WDR37: variants seen among roughly 807,000 people sequenced by gnomAD.
WDR37 encodes WD repeat domain 37.
Under a neutral mutation model 62.9 loss-of-function variants are expected in WDR37, and 19 were observed. The observed-to-expected ratio is 0.30, with a 90% CI of 0.21 to 0.44. The LOEUF (loss-of-function observed/expected upper bound fraction) is 0.44, where lower values mean the gene tolerates loss of function less well. WDR37 is among the 20% of genes least tolerant of loss of function. The pLI is 1.00. For synonymous variants in WDR37, 250 were observed against 260.9 expected, an observed-to-expected ratio of 0.96 and a Z score of 0.40; for missense variants, 474 against 657.6, an observed-to-expected ratio of 0.72 and a Z score of 3.05.
intron 11 of WDR37, among the ~76,000 whole-genome samples, chr10:1,107,108 C>G (rs1835047587): frequency 6.6e-6 from 1 of 152,250 alleles, no homozygotes; most frequent in Non-Finnish European, 1.5e-5. Flanking sequence ...GAGCTGGGCC[C>G]CCATGAGCTC....
intron 2 of WDR37, among the ~76,000 whole-genome samples, chr10:1,075,249 C>G (rs1002479580): frequency 6.7e-6 from 1 of 150,296 alleles, no homozygotes; most frequent in Non-Finnish European, 1.5e-5. Context: ...GCTGACTTCT[C>G]AGCTTTCTTT....
chr10:1,079,968 A>T (rs1833981439), intron 3 of WDR37, 43 bp from the exon 4 acceptor site: 1 of 1,583,474 alleles, frequency 6.3e-7, no homozygotes, highest in East Asian at 2.3e-5. Flanking sequence ...ACACTTAAAC[A>T]TAAAAACATA....
At chr10:1,091,603 G>A (rs940654338) in intron 7 of WDR37, among the ~76,000 whole-genome samples, 1 of 152,206 alleles carries the variant, frequency 6.6e-6, no homozygotes, top group South Asian at 2.1e-4. Context: ...GGAAATAAGG[G>A]TTGGTGTCCC....
intron 13 of WDR37, among the ~76,000 whole-genome samples, chr10:1,127,684 C>T (rs1161492280): frequency 2.0e-5 from 3 of 152,080 alleles, no homozygotes; most frequent in Non-Finnish European, 4.4e-5. Flanking sequence ...GCTCATTGGG[C>T]GTGAGGGTCC....
chr10:1,129,682 G>A lies in WDR37; in HGVS notation c.*338G>A, dbSNP rs1331711077. The A allele has an allele frequency of 1.6e-5, 3 of 187,462 alleles. No individual in the cohort carries two copies. The highest frequency in any genetic ancestry group is 2.3e-5 in the African/African-American group (1 of 42,560). The allele number at this position is 187,462 out of a possible 1,614,324, so 11.6% of individuals were successfully genotyped here. ...TTGTGTGAATTAAATGTGAACTTCT[G>A]TATTACGTTGCGGCGTCGGCAGTCC... On this transcript the variant is annotated 3_prime_UTR_variant, in exon 14 of 14. Coordinates refer to ENST00000263150, the MANE Select transcript of WDR37 (RefSeq NM_014023.4).
intron 8 of WDR37, 97 bp from the exon 9 acceptor site, chr10:1,096,073 A>G (rs1438570379): frequency 2.6e-6 from 3 of 1,171,134 alleles, no homozygotes; most frequent in Non-Finnish European, 3.8e-6. Flanking sequence ...ACTAAGCTGG[A>G]AAGGTCTGAC....
At chr10:1,115,275 A>T (rs975911582) in intron 11 of WDR37, among the ~76,000 whole-genome samples, 4 of 152,246 alleles carry the variant, frequency 2.6e-5, no homozygotes, top group African/African-American at 7.2e-5. Context: ...AAACGATTTT[A>T]ACTTTATTCC....
intron 13 of WDR37, among the ~76,000 whole-genome samples, chr10:1,126,369 G>A (rs905871889): frequency 7.8e-4 from 116 of 148,772 alleles, no homozygotes; most frequent in African/African-American, 2.2e-3. Flanking sequence ...TCGCGCCACT[G>A]CACTCCAGCC....
intron 9 of WDR37, among the ~76,000 whole-genome samples, chr10:1,099,136 C>T (rs1834703694): frequency 6.6e-6 from 1 of 152,220 alleles, no homozygotes; most frequent in African/African-American, 2.4e-5. Flanking sequence ...AAATTCTTCA[C>T]TTACTGTTTG....
At chr10:1,088,452 A>C (rs1019980403) in intron 7 of WDR37, among the ~76,000 whole-genome samples, 5 of 152,152 alleles carry the variant, frequency 3.3e-5, no homozygotes, top group African/African-American at 1.2e-4. Flanking sequence ...GAATTGGCCT[A>C]ATTTTAGTAT....
In WDR37 at chr10:1,102,138, T is replaced by C. The variant is rs181523705; in HGVS notation, c.727-1464T>C. On this transcript the variant is annotated intron_variant, in intron 9 of 13. Transcript: ENST00000263150. ...CGTGCTGCTGTGCGTCCCTGTGACG[T>C]GGGAACCCTTGCTGTTGTGCGTCCC... Among the ~76,000 whole-genome samples the C allele has an allele frequency of 1.3e-4, 19 of 150,978 alleles. No individual in the cohort carries two copies. In the East Asian group the frequency reaches 2.8e-3, roughly 22 times the overall value.
At chr10:1,069,669 A>C (rs1033660763) in intron 1 of WDR37, among the ~76,000 whole-genome samples, 1 of 151,910 alleles carries the variant, frequency 6.6e-6, no homozygotes, top group Admixed American at 6.6e-5. Context: ...TGGGGTAACT[A>C]ATGGGTAGTG....
chr10:1,061,038 C>T (rs576233499), intron 1 of WDR37, among the ~76,000 whole-genome samples: 1 of 152,240 alleles, frequency 6.6e-6, no homozygotes, highest in African/African-American at 2.4e-5. Flanking sequence ...AGAACCTGTC[C>T]CCATCCTTAA....
Position 1,129,694 on chromosome 10 carries a change from G to T in WDR37, c.*350G>T. ...AATGTGAACTTCTGTATTACGTTGCGGCGTCGGCAGTCCTGCGTTCCCTGG... is the reference window on the plus strand; with the variant it reads ...AATGTGAACTTCTGTATTACGTTGCTGCGTCGGCAGTCCTGCGTTCCCTGG... On this transcript the variant is annotated 3_prime_UTR_variant, in exon 14 of 14. Coordinates refer to ENST00000263150, the MANE Select transcript of WDR37 (RefSeq NM_014023.4). 2 of 176,532 alleles carry T rather than the reference G, an allele frequency of 1.1e-5. No homozygotes were observed. The highest frequency in any genetic ancestry group is 1.2e-4 in the South Asian group (1 of 8,106). 10.9% of individuals were successfully genotyped at this position (176,532 alleles called of 1,614,324 possible).
In WDR37 at chr10:1,105,854, C is replaced by T. The variant is rs1276043863; in HGVS notation, c.1103+587C>T. ...AGGCTGGAGTGCAGTGGCGCTATCT[C>T]GGCTCACTGCAAGCTCCGCCTCCCG... On this transcript the variant is annotated intron_variant, in intron 11 of 13. Coordinates refer to ENST00000263150, the MANE Select transcript of WDR37 (RefSeq NM_014023.4). This position sits in a 1 kb window ranked among gnomAD's most constrained non-coding sequence, Gnocchi z 5.3. 1.3e-5 allele frequency among the ~76,000 whole-genome samples: 2 copies of T among 152,000 alleles called. No individual in the cohort carries two copies. The highest frequency in any genetic ancestry group is 4.8e-5 in the African/African-American group (2 of 41,374).
At chr10:1,081,378 A>C (rs1214891815) in intron 5 of WDR37, among the ~76,000 whole-genome samples, 1 of 152,202 alleles carries the variant, frequency 6.6e-6, no homozygotes, top group African/African-American at 2.4e-5. Context: ...ATAAATTGAA[A>C]TTTTCAGTGA....
chr10:1,113,285 C>T (rs1415676475), intron 11 of WDR37, among the ~76,000 whole-genome samples: 4 of 152,190 alleles, frequency 2.6e-5, no homozygotes, highest in African/African-American at 9.7e-5. Context: ...ATTGTTGAGG[C>T]TACTGCTCAG....
chr10:1,110,507 T>C (rs949118927), intron 11 of WDR37, among the ~76,000 whole-genome samples: 1 of 151,922 alleles, frequency 6.6e-6, no homozygotes, highest in South Asian at 2.1e-4. Flanking sequence ...TGTAGAGCTG[T>C]GCATCCGCGC....
intron 9 of WDR37, among the ~76,000 whole-genome samples, chr10:1,097,324 C>T (rs1164995759): frequency 6.6e-6 from 1 of 152,120 alleles, no homozygotes; most frequent in East Asian, 1.9e-4. Context: ...GCAGCAGGAT[C>T]CAGGACTGGA....
Sources: allele counts gnomAD v4.1 joint callset (sites outside exome capture counted in the v4.1 genomes callset), GRCh38; gene constraint gnomAD v4.1.1; non-coding constraint Gnocchi (gnomAD v3.1); transcripts MANE v1.5; gene names NCBI Gene and HGNC (gene_info 2026-07-23, HGNC 2026-07-21).